HECW2: variants seen among roughly 807,000 people sequenced by gnomAD.
HECW2 encodes the protein HECT, C2 and WW domain containing E3 ubiquitin protein ligase 2, also known as E3 ubiquitin-protein ligase HECW2.
HECW2 carries 61 observed loss-of-function variants against 175.2 expected under a neutral mutation model. The observed-to-expected ratio is 0.35, with a 90% CI of 0.28 to 0.43. The LOEUF (loss-of-function observed/expected upper bound fraction) is 0.43, where lower values mean the gene tolerates loss of function less well. HECW2 is among the 20% of genes least tolerant of loss of function. The pLI is 1.00. For synonymous variants in HECW2, 671 were observed against 731.0 expected (o/e 0.92, Z 1.32); for missense variants, 1,524 against 2,000.5 (o/e 0.76, Z 4.54).
At chr2:196,420,686 T>C (rs1350327215) in intron 2 of HECW2, among the ~76,000 whole-genome samples, 1 of 152,230 alleles carries the variant, frequency 6.6e-6, no homozygotes, top group Non-Finnish European at 1.5e-5. Context: ...TATGTATGTG[T>C]TCTATAAGAA....
chr2:196,358,898 C>T (rs979807486), intron 2 of HECW2, among the ~76,000 whole-genome samples: 4 of 152,168 alleles, frequency 2.6e-5, no homozygotes, highest in African/African-American at 9.7e-5. Context: ...CAGTATCTCA[C>T]ATGTAGTATC....
intron 17 of HECW2, among the ~76,000 whole-genome samples, chr2:196,259,040 CT>C (rs1207981678): frequency 6.6e-6 from 1 of 152,192 alleles, no homozygotes; most frequent in Non-Finnish European, 1.5e-5. Flanking sequence ...GTGGCATGAT[CT>C]TGGCTCACTG....
At chr2:196,203,911 T>C (rs757868219) in intron 28 of HECW2, among the ~76,000 whole-genome samples, 1 of 152,190 alleles carries the variant, frequency 6.6e-6, no homozygotes, top group African/African-American at 2.4e-5. Context: ...TTCTACTTTG[T>C]GTCTCTATGA....
intron 2 of HECW2, among the ~76,000 whole-genome samples, chr2:196,349,295 A>C (rs1693083789): frequency 6.6e-6 from 1 of 152,210 alleles, no homozygotes; most frequent in South Asian, 2.1e-4. Flanking sequence ...AAAACAGTCT[A>C]TATTACAGGA....
intron 21 of HECW2, 79 bp downstream of exon 21, chr2:196,240,370 G>A: frequency 9.9e-7 from 1 of 1,011,406 alleles, no homozygotes; most frequent in African/African-American, 1.6e-5. Flanking sequence ...CCTGTTTCAG[G>A]CAACCACAGC....
At chr2:196,491,365 TATATACACACACACAC>T (rs1687179244) in intron 1 of HECW2, among the ~76,000 whole-genome samples, 2 of 100,728 alleles carry the variant, frequency 2.0e-5, no homozygotes, top group African/African-American at 7.1e-5. Context: ...AAATCATATA[TATATACACACACACAC>T]ACACACACAC....
intron 2 of HECW2, among the ~76,000 whole-genome samples, chr2:196,418,621 G>A (rs1447240413): frequency 1.3e-5 from 2 of 152,004 alleles, no homozygotes; most frequent in South Asian, 2.1e-4. Flanking sequence ...GCACATTTTC[G>A]GAAACAAGAG....
intron 1 of HECW2, among the ~76,000 whole-genome samples, chr2:196,539,111 G>A (rs957064835): frequency 2.0e-5 from 3 of 152,140 alleles, no homozygotes; most frequent in Non-Finnish European, 4.4e-5. Context: ...GTCTTAAGCC[G>A]AGACTAAAGG....
intron 26 of HECW2, 117 bp from the exon 27 acceptor site, chr2:196,217,210 G>A (rs1559441666): frequency 4.4e-6 from 3 of 683,544 alleles, no homozygotes; most frequent in Non-Finnish European, 7.5e-6. Flanking sequence ...TTTACAAGTT[G>A]TCTATAATTT....
intron 10 of HECW2, among the ~76,000 whole-genome samples, chr2:196,312,912 G>A (rs1014194331): frequency 6.6e-6 from 1 of 152,130 alleles, no homozygotes; most frequent in African/African-American, 2.4e-5. Flanking sequence ...CAGATTCACT[G>A]CATGGTTTTA....
chr2:196,318,741 C>T lies in HECW2; in HGVS notation c.2149G>A (p.Asp717Asn). 1 of 1,538,352 alleles carries T rather than the reference C, an allele frequency of 6.5e-7. No individual in the cohort carries two copies. The highest frequency in any genetic ancestry group is 1.4e-5 in the African/African-American group (1 of 72,510). The change falls in exon 9 of 29, where the codon GAT (aspartate) becomes AAT (asparagine). Residue 717 changes from aspartate to asparagine, a missense_variant. Asp to Asn is a conservative substitution (Grantham distance 23, BLOSUM62 1). Around this residue, in one of 11 missense-constraint regions of HECW2, gnomAD observed 604 missense variants for 588.3 expected, o/e 1.03. Coordinates refer to ENST00000644978, the MANE Select transcript of HECW2 (RefSeq NM_001348768.2). ...LPVVQVPSGE[D>N]EGPGAESATV... is the part of the protein sequence containing the mutation. ...GCCGATTCTGCCCCTGGCCCTTCATCCTCCCCACTGGGCACCTGTACCACA... is the reference window on the plus strand; with the variant it reads ...GCCGATTCTGCCCCTGGCCCTTCATTCTCCCCACTGGGCACCTGTACCACA...
At chr2:196,298,952 T>C (rs1398838074) in intron 13 of HECW2, among the ~76,000 whole-genome samples, 2 of 152,226 alleles carry the variant, frequency 1.3e-5, no homozygotes, top group Non-Finnish European at 2.9e-5. Flanking sequence ...TATAACATTT[T>C]CTGTTAATCT....
At chr2:196,580,813 T>C (rs1404696582) in intron 1 of HECW2, among the ~76,000 whole-genome samples, 1 of 152,062 alleles carries the variant, frequency 6.6e-6, no homozygotes, top group Non-Finnish European at 1.5e-5. Flanking sequence ...GCAAAAGAAC[T>C]AAAAACATAC....
intron 1 of HECW2, among the ~76,000 whole-genome samples, chr2:196,518,205 T>G (rs1204002595): frequency 6.6e-6 from 1 of 152,038 alleles, no homozygotes; most frequent in Non-Finnish European, 1.5e-5. Flanking sequence ...TCCAAAAATG[T>G]GATTAAAAAA....
chr2:196,412,241 G>A (rs1426545167), intron 2 of HECW2, among the ~76,000 whole-genome samples: 1 of 152,138 alleles, frequency 6.6e-6, no homozygotes, highest in Non-Finnish European at 1.5e-5. Context: ...TTTCTTTTGC[G>A]ACCAGTGTAG....
chr2:196,378,737 T>C (rs1257960700), intron 2 of HECW2, among the ~76,000 whole-genome samples: 3 of 152,104 alleles, frequency 2.0e-5, no homozygotes, highest in Non-Finnish European at 4.4e-5. Flanking sequence ...AGGAAATAAG[T>C]ACAGAAGAAA....
intron 1 of HECW2, among the ~76,000 whole-genome samples, chr2:196,557,321 G>A (rs900981084): frequency 1.3e-5 from 2 of 152,006 alleles, no homozygotes; most frequent in Admixed American, 1.3e-4. Context: ...CTTGAACCTG[G>A]GGGGCGGAGG....
In HECW2 at chr2:196,541,643, G is replaced by C. The variant is rs189940083; in HGVS notation, c.-36+51865C>G. Among the ~76,000 whole-genome samples, 132 of 152,198 alleles carry C rather than the reference G, an allele frequency of 8.7e-4. 1 individual carries two copies. Among genetic ancestry groups the C allele is most frequent in the Non-Finnish European group, 1.4e-3 (96 of 68,026 alleles). On this transcript the variant is annotated intron_variant, in intron 1 of 28. Coordinates refer to ENST00000644978, the MANE Select transcript of HECW2 (RefSeq NM_001348768.2). ...CAGTTTTATATCAAAAGATTGGTAA[G>C]TGTGCATAAGGAATAATTCAATCAC... is the stretch of plus-strand genomic sequence containing the variant.
At chr2:196,299,146 A>G (rs1437352675) in intron 13 of HECW2, among the ~76,000 whole-genome samples, 3 of 150,008 alleles carry the variant, frequency 2.0e-5, no homozygotes, top group African/African-American at 7.3e-5. Flanking sequence ...GAAATGTATA[A>G]ATGTACAGCA....
Sources: allele counts gnomAD v4.1 joint callset (sites outside exome capture counted in the v4.1 genomes callset), GRCh38; gene constraint gnomAD v4.1.1; regional missense constraint gnomAD v4.1.1; transcripts MANE v1.5; gene names NCBI Gene and HGNC (gene_info 2026-07-23, HGNC 2026-07-21).